The following RGS6 variants were observed in gnomAD, a reference collection of about 807,000 sequenced individuals.
The protein encoded by RGS6 is regulator of G-protein signaling 6.
RGS6 carries 30 observed loss-of-function variants against 78.5 expected under a neutral mutation model. The observed-to-expected ratio is 0.38, with a 90% CI of 0.29 to 0.52. The LOEUF (loss-of-function observed/expected upper bound fraction) is 0.52. Ranked by LOEUF, RGS6 falls within the 20% of genes least tolerant of loss-of-function variation. The pLI is 0.85. For synonymous variants in RGS6, 206 were observed against 206.0 expected, an observed-to-expected ratio of 1.00 and a Z score of 0.00; for missense variants, 495 against 609.7, an observed-to-expected ratio of 0.81 and a Z score of 1.98.
intron 2 of RGS6, among the ~76,000 whole-genome samples, chr14:72,277,080 G>A (rs892524393): frequency 1.2e-4 from 19 of 152,202 alleles, no homozygotes; most frequent in Non-Finnish European, 1.5e-5. Context: ...ATGCATGAAT[G>A]AACAACTTCC....
chr14:71,876,428 T>C, the RGS6 span, among the ~76,000 whole-genome samples: 5 of 151,592 alleles, frequency 3.3e-5, no homozygotes, highest in Non-Finnish European at 7.4e-5. Flanking sequence ...TTGATCTTTG[T>C]TGGTTTAAAA....
intron 3 of RGS6, among the ~76,000 whole-genome samples, chr14:72,427,268 ATTAG>A (rs1252304872): frequency 1.3e-5 from 2 of 152,166 alleles, no homozygotes; most frequent in Admixed American, 6.5e-5. Context: ...TTTTTCTCTT[ATTAG>A]TTGTTGTTAA....
At chr14:72,341,176 G>A (rs2076920242) in intron 2 of RGS6, among the ~76,000 whole-genome samples, 1 of 126,850 alleles carries the variant, frequency 7.9e-6, no homozygotes, top group African/African-American at 3.1e-5. Flanking sequence ...GGCTGGGGAG[G>A]CCTCAGGAAA....
At chr14:72,518,979 A>C (rs1001171081) in intron 15 of RGS6, among the ~76,000 whole-genome samples, 4 of 152,228 alleles carry the variant, frequency 2.6e-5, no homozygotes, top group African/African-American at 9.6e-5. Context: ...CTCTGCAGTG[A>C]ATATTTTTTA....
intron 2 of RGS6, among the ~76,000 whole-genome samples, chr14:71,973,855 C>T (rs2093957110): frequency 6.6e-6 from 1 of 152,172 alleles, no homozygotes; most frequent in Non-Finnish European, 1.5e-5. Context: ...TCCCCCATCA[C>T]ATTATCTTGG....
At chr14:71,934,091 A>T (rs922775519) in intron 1 of RGS6, among the ~76,000 whole-genome samples, 1 of 152,212 alleles carries the variant, frequency 6.6e-6, no homozygotes, top group Non-Finnish European at 1.5e-5. Flanking sequence ...TATATTCTTT[A>T]TTCTTAATTT....
At chr14:71,983,071 G>A (rs10129266) in intron 2 of RGS6, among the ~76,000 whole-genome samples, 3,733 of 152,286 alleles carry the variant, frequency 0.025, 151 homozygotes, top group African/African-American at 0.083. Context: ...GAATTAACCC[G>A]TTATTAGTTT....
At chr14:72,582,312 C>T in the RGS6 span, among the ~76,000 whole-genome samples, 1 of 152,154 alleles carries the variant, frequency 6.6e-6, no homozygotes, top group Non-Finnish European at 1.5e-5. Context: ...CCTATCTCCC[C>T]CGCCTGCTTG....
At chr14:72,230,210 C>T (rs759073102) in intron 2 of RGS6, among the ~76,000 whole-genome samples, 31 of 152,132 alleles carry the variant, frequency 2.0e-4, no homozygotes, top group Non-Finnish European at 3.7e-4. Context: ...AGCGTCTTCT[C>T]CTGTGGTGAG....
rs1206379883 is a variant in RGS6 at position 72,167,221 on chromosome 14, G to A, written c.85-184874G>A. Among the ~76,000 whole-genome samples, 3 of 152,198 alleles carry A rather than the reference G, an allele frequency of 2.0e-5. 1 individual carries two copies. Among genetic ancestry groups the A allele is most frequent in the Admixed American group, 2.0e-4 (3 of 15,286 alleles). Reference sequence around the variant, plus strand: ...TTCCCTTAGGACGGTTGGACTGGGGGGCCTCAGCTCCTAGCTGACTGTGGG... The same window carrying A: ...TTCCCTTAGGACGGTTGGACTGGGGAGCCTCAGCTCCTAGCTGACTGTGGG... On this transcript the variant is annotated intron_variant, in intron 2 of 17. Transcript: ENST00000553525.
intron 3 of RGS6, among the ~76,000 whole-genome samples, chr14:72,384,438 G>T (rs73291365): frequency 0.011 from 1,638 of 152,232 alleles, 25 homozygotes; most frequent in African/African-American, 0.038. Context: ...GGTTTTAAAA[G>T]TGAAAGAAAA....
At position 72,010,150 on chromosome 14, in the gene RGS6, G is replaced by A. The variant is rs533911388; in HGVS notation, c.84+45275G>A. Among the ~76,000 whole-genome samples, 5 of 152,286 alleles carry A rather than the reference G, an allele frequency of 3.3e-5. No individual in the cohort carries two copies. In the South Asian group the frequency reaches 1.0e-3, roughly 32 times the overall value. On this transcript the variant is annotated intron_variant, in intron 2 of 17. Transcript: ENST00000553525. Reference sequence around the variant, plus strand: ...TTTCTCTCCCTTCTATGTCATGGCAGTGGTAGCTATTCTTACTATTGAAAT... The same window carrying A: ...TTTCTCTCCCTTCTATGTCATGGCAATGGTAGCTATTCTTACTATTGAAAT...
In RGS6 at chr14:72,475,890, C is replaced by T. The variant is rs942232771; in HGVS notation, c.694-852C>T. 3.4e-5 allele frequency among the ~76,000 whole-genome samples: 5 copies of T among 145,160 alleles called. No individual in the cohort carries two copies. The South Asian group carries it at 1.1e-3, about 31-fold the overall frequency. On this transcript the variant is annotated intron_variant, in intron 10 of 17. Coordinates refer to ENST00000553525, the MANE Select transcript of RGS6 (RefSeq NM_001204424.2). The stretch of plus-strand genomic sequence containing the variant: ...TATGTATATAAACTTCTTTAATCTA[C>T]TTACATATTTTGTTCGTCACTGACT...
intron 1 of RGS6, among the ~76,000 whole-genome samples, chr14:71,945,698 C>T (rs115210948): frequency 1.6e-4 from 25 of 152,220 alleles, no homozygotes; most frequent in African/African-American, 6.0e-4. Context: ...ATGAATGGCA[C>T]CTGACCTTGG....
intron 1 of RGS6, among the ~76,000 whole-genome samples, chr14:71,958,250 A>G (rs998107745): frequency 6.6e-6 from 1 of 152,228 alleles, no homozygotes; most frequent in Non-Finnish European, 1.5e-5. Flanking sequence ...TGATTTCACA[A>G]GATGGACATG....
chr14:72,239,485 G>A (rs956515847), intron 2 of RGS6, among the ~76,000 whole-genome samples: 5 of 152,182 alleles, frequency 3.3e-5, no homozygotes, highest in African/African-American at 1.2e-4. Context: ...CATTTTTAGA[G>A]AGGCAGTGTG....
chr14:72,045,502 A>G (rs1352937822), intron 2 of RGS6, among the ~76,000 whole-genome samples: 1 of 152,150 alleles, frequency 6.6e-6, no homozygotes, highest in African/African-American at 2.4e-5. Context: ...GGGATTCCCT[A>G]AGAACTCCTC....
chr14:72,231,799 G>A (rs1600030086), intron 2 of RGS6, among the ~76,000 whole-genome samples: 2 of 152,136 alleles, frequency 1.3e-5, no homozygotes, highest in African/African-American at 4.8e-5. Flanking sequence ...GTGCAAAGGT[G>A]CTCAGAGGCT....
chr14:72,118,914 C>G (rs1567241685), intron 2 of RGS6, among the ~76,000 whole-genome samples: 1 of 152,108 alleles, frequency 6.6e-6, no homozygotes, highest in Non-Finnish European at 1.5e-5. Flanking sequence ...CTAAAGTTTC[C>G]TTTTTCCCAA....
Sources: gnomAD v4.1 joint callset for allele counts (sites outside exome capture counted in the v4.1 genomes callset) on GRCh38, gnomAD v4.1.1 for gene constraint, MANE v1.5 for transcripts, NCBI Gene and HGNC (gene_info 2026-07-23, HGNC 2026-07-21) for gene names.